Variants in ACTN3 observed in about 807,000 individuals in gnomAD.
The protein encoded by ACTN3 is alpha-actinin-3.
ACTN3 carries 91 observed loss-of-function variants against 119.6 expected under a neutral mutation model. That is an observed-to-expected ratio of 0.76 (90% CI 0.64 to 0.91). ACTN3 has a LOEUF of 0.91. ACTN3 is among the 40% of genes least tolerant of loss of function. The pLI, the probability that ACTN3 is intolerant of heterozygous loss-of-function variation, is 0.00. For missense variants in ACTN3, 1,221 were observed against 1,215.1 expected (o/e 1.00, Z -0.07); for synonymous variants, 456 against 478.8 (o/e 0.95, Z 0.62).
chr11:66,560,879 C>T (rs1221807635), intron 15 of ACTN3, 124 bp downstream of exon 15: 29 of 1,103,174 alleles, frequency 2.6e-5, no homozygotes, highest in Non-Finnish European at 3.6e-5. Flanking sequence ...CCACAGACTC[C>T]ACGTGGGATT....
chr11:66,557,300 G>A, intron 9 of ACTN3, 75 bp downstream of exon 9: 2 of 1,406,194 alleles, frequency 1.4e-6, no homozygotes, highest in Non-Finnish European at 2.0e-6. Flanking sequence ...CCCCAAGCGT[G>A]GGCCTGCAGA....
upstream of ACTN3, chr11:66,546,795 C>A (rs1386246852): frequency 2.0e-6 from 3 of 1,534,000 alleles, no homozygotes; most frequent in Non-Finnish European, 2.6e-6. Context: ...AGGTCCAACC[C>A]GAGCTCCTTC....
intron 14 of ACTN3, 105 bp downstream of exon 14, chr11:66,560,416 C>A: frequency 2.0e-6 from 3 of 1,490,936 alleles, no homozygotes. Flanking sequence ...GGGAGGAAAA[C>A]CCCAGTTCCC....
chr11:66,560,445 C>T (rs780748320), intron 14 of ACTN3, 128 bp from the exon 15 acceptor site: 1 of 1,471,484 alleles, frequency 6.8e-7, no homozygotes, highest in Non-Finnish European at 9.1e-7. Flanking sequence ...GGCTGGAAGA[C>T]AGGAGGCCGG....
intron 15 of ACTN3, 23 bp from the exon 16 acceptor site, chr11:66,561,204 T>G: frequency 6.6e-7 from 1 of 1,516,462 alleles, no homozygotes; most frequent in Non-Finnish European, 8.8e-7. Context: ...GAGCTGGCTC[T>G]GGCATAACTG....
chr11:66,560,806 AC>A, intron 15 of ACTN3, 51 bp downstream of exon 15: 1 of 1,545,512 alleles, frequency 6.5e-7, no homozygotes, highest in Middle Eastern at 1.8e-4. Flanking sequence ...TACTGTGACC[AC>A]CCTGAAATCT....
At chr11:66,555,055 G>C in intron 5 of ACTN3, 75 bp from the exon 6 acceptor site, 2 of 1,324,406 alleles carry the variant, frequency 1.5e-6, no homozygotes, top group East Asian at 2.4e-5. Context: ...TCCTTCTGGG[G>C]GGTGCTCCTG....
intron 2 of ACTN3, 73 bp downstream of exon 2, chr11:66,551,426 C>T (rs1216585357): frequency 1.7e-5 from 26 of 1,563,164 alleles, no homozygotes; most frequent in Middle Eastern, 3.4e-4. Flanking sequence ...AATAGGGTGG[C>T]GGAGTGTTGG....
rs1590811813 is a variant in ACTN3 at position 66,561,288 on chromosome 11, T to C, written c.1922T>C (p.Val641Ala). ...TLQEELARQQ[V>A]NERLRRQFAA... Reference sequence around the variant, plus strand: ...CAGGAGGAGCTGGCACGGCAGCAGGTAAACGAGAGGCTCCGGCGACAGTTT... The same window carrying C: ...CAGGAGGAGCTGGCACGGCAGCAGGCAAACGAGAGGCTCCGGCGACAGTTT... The change falls in exon 16 of 21, where the codon GTA (valine) becomes GCA (alanine). Residue 641 changes from valine (V) to alanine (A), a missense_variant. By Grantham distance (64) the Val-to-Ala change is moderately conservative. Around this residue, in one of 3 missense-constraint regions of ACTN3, gnomAD observed 934 missense variants for 899.9 expected, o/e 1.04. Coordinates refer to ENST00000513398, the MANE Select transcript of ACTN3 (RefSeq NM_001104.4). 6.2e-7 allele frequency: 1 copy of C among 1,607,092 alleles called. No homozygotes were observed. The highest frequency in any genetic ancestry group is 2.2e-5 in the East Asian group (1 of 44,652).
chr11:66,560,885 G>A, intron 15 of ACTN3, 130 bp downstream of exon 15: 1 of 1,043,784 alleles, frequency 9.6e-7, no homozygotes, highest in East Asian at 2.5e-5. Context: ...ACTCCACGTG[G>A]GATTGGATAA....
chr11:66,563,046 C>A lies in ACTN3; in HGVS notation c.2559C>A (p.Thr853=). ...CCTCTTCTCCCCAGAACTACATCAC[C>A]CCCGAGGAGCTGCGGCGCGAGCTCC... ...KILAGDKNYI[T]PEELRRELPA... is the part of the protein sequence containing the mutation. The change falls in exon 21 of 21, where the codon ACC becomes ACA. Residue 853 remains threonine (T), a synonymous_variant. Transcript: ENST00000513398. 1 of 1,611,834 alleles carries A rather than the reference C, an allele frequency of 6.2e-7. No homozygotes were observed. Among genetic ancestry groups the A allele is most frequent in the Non-Finnish European group, 8.5e-7 (1 of 1,178,796 alleles).
At chr11:66,552,878 T>TCACACA (rs1274418711) in intron 3 of ACTN3, among the ~76,000 whole-genome samples, 6 of 71,980 alleles carry the variant, frequency 8.3e-5, no homozygotes, top group African/African-American at 5.2e-4. Context: ...TCTCTCTCTC[T>TCACACA]CTCACACACA....
chr11:66,555,668 G>A (rs1053473977), intron 7 of ACTN3, among the ~76,000 whole-genome samples: 3 of 152,220 alleles, frequency 2.0e-5, no homozygotes, highest in Non-Finnish European at 4.4e-5. Context: ...CCTGGGGCAC[G>A]TCCTGCCTGT....
chr11:66,557,872 C>T lies in ACTN3; in HGVS notation c.1071C>T (p.Thr357=). The T allele has an allele frequency of 6.2e-7, 1 of 1,614,112 alleles. No homozygotes were observed. Among genetic ancestry groups the T allele is most frequent in the Non-Finnish European group, 8.5e-7 (1 of 1,180,014 alleles). ...AGATCAACTTCAACACACTGCAGAC[C>T]AAGTTGCGGCTCAGCCACCGGCCTG... The part of the protein sequence containing the change: ...QLEINFNTLQ[T]KLRLSHRPAF... Residue 357 remains threonine, a synonymous_variant, in exon 10 of 21, where the codon ACC becomes ACT. Coordinates refer to ENST00000513398, the MANE Select transcript of ACTN3 (RefSeq NM_001104.4).
intron 11 of ACTN3, among the ~76,000 whole-genome samples, chr11:66,558,410 C>T (rs1011198532): frequency 1.3e-5 from 2 of 152,222 alleles, no homozygotes; most frequent in African/African-American, 4.8e-5. Context: ...CAGAGTCTTG[C>T]TCTATTGCCC....
Position 66,560,319 on chromosome 11 carries a change from C to G in ACTN3, c.1677+8C>G, listed in dbSNP as rs746374917. ...TCTGTGGAGGAGACCCAGGTGGGTG[C>G]CAGGGTTGCAGGGGATGGATAGGAT... On this transcript the variant is annotated splice_region_variant and intron_variant, in intron 14 of 20. Coordinates refer to ENST00000513398, the MANE Select transcript of ACTN3 (RefSeq NM_001104.4). 1 of 1,610,226 alleles carries G rather than the reference C, an allele frequency of 6.2e-7. No individual in the cohort carries two copies. Among genetic ancestry groups the G allele is most frequent in the African/African-American group, 1.3e-5 (1 of 74,968 alleles).
Position 66,560,760 on chromosome 11 carries a change from G to A in ACTN3, c.1860+5G>A, listed in dbSNP as rs748498937. 1 of 1,602,374 alleles carries A rather than the reference G, an allele frequency of 6.2e-7. No individual in the cohort carries two copies. The highest frequency in any genetic ancestry group is 1.7e-5 in the Admixed American group (1 of 59,458). Reference sequence around the variant, plus strand: ...ATCAACACCAAGTGGGATATGGTCAGTGCCACCTGCAGCCTTCCTCCCACC... The same window carrying A: ...ATCAACACCAAGTGGGATATGGTCAATGCCACCTGCAGCCTTCCTCCCACC... On this transcript the variant is annotated splice_donor_5th_base_variant and intron_variant, in intron 15 of 20. Coordinates refer to ENST00000513398, the MANE Select transcript of ACTN3 (RefSeq NM_001104.4).
At chr11:66,556,094 G>A (rs1857583675) in intron 7 of ACTN3, 51 bp from the exon 8 acceptor site, 2 of 1,535,088 alleles carry the variant, frequency 1.3e-6, no homozygotes, top group Non-Finnish European at 1.8e-6. Flanking sequence ...TTCTCTGCCT[G>A]GGGAGGGACC....
chr11:66,551,241 C>A lies in ACTN3; in HGVS notation c.150C>A (p.Thr50=), dbSNP rs772030609. 8 of 1,607,106 alleles carry A rather than the reference C, an allele frequency of 5.0e-6. No homozygotes were observed. The East Asian group carries it at 1.3e-4, about 27-fold the overall frequency. The change falls in exon 2 of 21, where the codon ACC becomes ACA. Residue 50 remains threonine, a splice_region_variant and synonymous_variant. Coordinates refer to ENST00000513398, the MANE Select transcript of ACTN3 (RefSeq NM_001104.4). ...TGAGTGCTGTCCTCTGCCCCTAGAC[C>A]TTCACTGCCTGGTGCAACTCACACC... ...DPAWEKQQRK[T]FTAWCNSHLR... is the part of the protein sequence containing the mutation.
Sources: allele counts gnomAD v4.1 joint callset (sites outside exome capture counted in the v4.1 genomes callset), GRCh38; gene constraint gnomAD v4.1.1; regional missense constraint gnomAD v4.1.1; transcripts MANE v1.5; gene names NCBI Gene and HGNC (gene_info 2026-07-23, HGNC 2026-07-21).